The following TIMM44 variants were observed in gnomAD, a reference collection of about 807,000 sequenced individuals.
The protein encoded by TIMM44 is translocase of inner mitochondrial membrane 44.
TIMM44 carries 37 observed loss-of-function variants against 63.8 expected under a neutral mutation model. The observed-to-expected ratio is 0.58, with a 90% confidence interval of 0.45 to 0.76. TIMM44 has a LOEUF of 0.76. TIMM44 is among the 30% of genes least tolerant of loss of function. The pLI is 0.00. For synonymous variants in TIMM44, 239 were observed against 245.1 expected (o/e 0.98, Z 0.23); for missense variants, 573 against 603.8 (o/e 0.95, Z 0.54).
Position 7,931,109 on chromosome 19 carries a change from A to G in TIMM44, c.1038+29T>C, listed in dbSNP as rs557328185. 1.3e-4 allele frequency: 209 copies of G among 1,609,498 alleles called. 3 individuals are homozygous for G. The East Asian group carries it at 4.6e-3, about 35-fold the overall frequency. ...TGGTGATTTTTTAGGCCTTAAAAAA[A>G]AAAAAAGAAAAAGAAAGGAAGTACT... On this transcript the variant is annotated intron_variant, in intron 10 of 12. Transcript: ENST00000270538.
chr19:7,934,410 G>A lies in TIMM44; in HGVS notation c.394-172C>T, dbSNP rs1314648449. ...CACCCCCAGAGCCATGAGCACAACG[G>A]CACCCCCAGAGCCACGAGCACACCG... On this transcript the variant is annotated intron_variant, in intron 4 of 12. Coordinates refer to ENST00000270538, the MANE Select transcript of TIMM44 (RefSeq NM_006351.4). This position sits in a 1 kb window ranked among gnomAD's most constrained non-coding sequence, Gnocchi z 5.3. 2.0e-5 allele frequency among the ~76,000 whole-genome samples: 3 copies of A among 150,476 alleles called. No homozygotes were observed. The highest frequency in any genetic ancestry group is 2.0e-4 in the Admixed American group (3 of 15,150).
chr19:7,941,280 G>C, intron 1 of TIMM44, 83 bp from the exon 2 acceptor site: 1 of 1,084,160 alleles, frequency 9.2e-7, no homozygotes, highest in Non-Finnish European at 1.4e-6. Context: ...AAACAGCAGG[G>C]TCACCTGCAA....
At chr19:7,931,001 G>A (rs1423919344) in intron 10 of TIMM44, 137 bp downstream of exon 10, 2 of 728,056 alleles carry the variant, frequency 2.7e-6, no homozygotes, top group Non-Finnish European at 4.7e-6. Context: ...CGGAGGGTGA[G>A]ACGTGAGGAT....
rs200367577 is a variant in TIMM44 at position 7,934,261 on chromosome 19, G to A, written c.394-23C>T. The A allele has an allele frequency of 1.8e-5, 29 of 1,609,564 alleles. No homozygotes were observed. The African/African-American group carries it at 2.9e-4, about 16-fold the overall frequency. ...GCTCTACTGAGACAGACACAGAGAG[G>A]GGGCGTTGGCACCGGCCCTGGCGGC... is the stretch of plus-strand genomic sequence containing the variant. On this transcript the variant is annotated intron_variant, in intron 4 of 12. Coordinates refer to ENST00000270538, the MANE Select transcript of TIMM44 (RefSeq NM_006351.4). The surrounding 1 kb of genome is among the most constrained non-coding windows in gnomAD (Gnocchi z 5.3).
intron 10 of TIMM44, chr19:7,928,956 C>T (rs1027273915): frequency 4.9e-5 from 7 of 142,870 alleles, no homozygotes; most frequent in African/African-American, 1.6e-4. Flanking sequence ...AAATCCACAT[C>T]GAAACTCATA....
Position 7,931,102 on chromosome 19 carries a change from T to TAA in TIMM44, c.1038+34_1038+35dup, listed in dbSNP as rs58157552. 3.8e-3 allele frequency: 5,217 copies of TAA among 1,387,292 alleles called. 6 individuals carry two copies. Among genetic ancestry groups the TAA allele is most frequent in the African/African-American group, 0.019 (1,246 of 65,750 alleles). 85.9% of individuals were successfully genotyped at this position (1,387,292 alleles called of 1,614,324 possible). A position where few individuals can be genotyped will look rare whatever the true frequency, so the allele number is the denominator to read the frequency against. On this transcript the variant is annotated intron_variant, in intron 10 of 12. Coordinates refer to ENST00000270538, the MANE Select transcript of TIMM44 (RefSeq NM_006351.4). Reference sequence around the variant, plus strand: ...TTCTCCATGGTGATTTTTTAGGCCTTAAAAAAAAAAAAAGAAAAAGAAAGG... The same window carrying TAA: ...TTCTCCATGGTGATTTTTTAGGCCTTAAAAAAAAAAAAAAAGAAAAAGAAAGG...
Position 7,927,115 on chromosome 19 carries a change from T to G in TIMM44, c.*72A>C. 6 of 1,542,182 alleles carry G rather than the reference T, an allele frequency of 3.9e-6. No homozygotes were observed. The highest frequency in any genetic ancestry group is 5.2e-6 in the Non-Finnish European group (6 of 1,149,048). On this transcript the variant is annotated 3_prime_UTR_variant, in exon 13 of 13. Coordinates refer to ENST00000270538, the MANE Select transcript of TIMM44 (RefSeq NM_006351.4). ...AGTCTTGTTCCCAGAGGTCTGGAGT[T>G]GCCGCAGGTGGTGTTGCGGTGCCTC... is the stretch of plus-strand genomic sequence containing the variant.
rs1051604561 is a variant in TIMM44, at chr19:7,935,367, G to A, written c.313-222C>T. 5.2e-5 allele frequency: 27 copies of A among 521,846 alleles called. No individual in the cohort carries two copies. In the East Asian group the frequency reaches 5.2e-4, roughly 10 times the overall value. 32.3% of individuals were successfully genotyped at this position (521,846 alleles called of 1,614,324 possible). On this transcript the variant is annotated intron_variant, in intron 3 of 12. Coordinates refer to ENST00000270538, the MANE Select transcript of TIMM44 (RefSeq NM_006351.4). ...TTCAGTAGAGACAGGGTTTTACCAC[G>A]TTGGCCAGGCTGGTCTCAAACTTCT...
Position 7,933,967 on chromosome 19 carries a change from C to T in TIMM44, c.580G>A (p.Val194Ile), listed in dbSNP as rs147925283. 2.1e-4 allele frequency: 336 copies of T among 1,614,144 alleles called. 2 individuals are homozygous for T. The East Asian group carries it at 6.1e-3, about 29-fold the overall frequency. Residue 194 changes from valine (V) to isoleucine (I), a missense_variant, in exon 6 of 13, where the codon GTC (valine) becomes ATC (isoleucine). Transcript: ENST00000270538. The surrounding 1 kb of genome is among the most constrained non-coding windows in gnomAD (Gnocchi z 4.3). Reference sequence around the variant, plus strand: ...CGGTAGGGCCCGGTCTGTCCCAGGACGCTGTCGTCAATTTCCTTCTTCACG... The same window carrying T: ...CGGTAGGGCCCGGTCTGTCCCAGGATGCTGTCGTCAATTTCCTTCTTCACG... ...ESVKKEIDDS[V>I]LGQTGPYRRP...
Position 7,931,100 on chromosome 19 carries a change from C to CT in TIMM44, c.1038+37dup. ...ACTTCTCCATGGTGATTTTTTAGGC[C>CT]TTAAAAAAAAAAAAAGAAAAAGAAA... On this transcript the variant is annotated intron_variant, in intron 10 of 12. Coordinates refer to ENST00000270538, the MANE Select transcript of TIMM44 (RefSeq NM_006351.4). 1.9e-6 allele frequency: 3 copies of CT among 1,566,940 alleles called. No homozygotes were observed. In the South Asian group the frequency reaches 3.4e-5, roughly 18 times the overall value.
chr19:7,935,005 C>T (rs1406721835), intron 4 of TIMM44, 60 bp downstream of exon 4: 4 of 1,511,166 alleles, frequency 2.6e-6, no homozygotes, highest in African/African-American at 2.8e-5. Flanking sequence ...TTCCTCCAGC[C>T]TCCAGCGGCC....
Position 7,933,809 on chromosome 19 carries a change from C to G in TIMM44, c.683+55G>C, listed in dbSNP as rs1042151022. The G allele has an allele frequency of 3.7e-6, 6 of 1,611,202 alleles. No homozygotes were observed. The African/African-American group carries it at 8.0e-5, about 22-fold the overall frequency. On this transcript the variant is annotated intron_variant, in intron 6 of 12. Transcript: ENST00000270538. The surrounding 1 kb of genome is among the most constrained non-coding windows in gnomAD (Gnocchi z 4.3). ...ACCATTGGTGGGCTCCCGAAATGGACAGCAGTGAAAGCTGCCCAAAATGGG... is the reference window on the plus strand; with the variant it reads ...ACCATTGGTGGGCTCCCGAAATGGAGAGCAGTGAAAGCTGCCCAAAATGGG...
chr19:7,939,112 C>G (rs1300638709), intron 2 of TIMM44, among the ~76,000 whole-genome samples: 21 of 152,004 alleles, frequency 1.4e-4, no homozygotes, highest in Admixed American at 1.4e-3. Flanking sequence ...TGTACACCAC[C>G]AAGAGGGAAC....
chr19:7,933,643 A>AG lies in TIMM44; in HGVS notation c.684-74dup. ...CCTGTGCCCTCCTGCGGCTGCAGGC[A>AG]GGGGGCAGTACAGGACAGCAGGCAG... On this transcript the variant is annotated intron_variant, in intron 6 of 12. Coordinates refer to ENST00000270538, the MANE Select transcript of TIMM44 (RefSeq NM_006351.4). The surrounding 1 kb of genome is among the most constrained non-coding windows in gnomAD (Gnocchi z 4.3). 7.1e-7 allele frequency: 1 copy of AG among 1,416,308 alleles called. No homozygotes were observed. The highest frequency in any genetic ancestry group is 1.0e-6 in the Non-Finnish European group (1 of 1,001,056). The allele number at this position is 1,416,308 out of a possible 1,614,324, so 87.7% of individuals were successfully genotyped here.
At position 7,933,058 on chromosome 19, in the gene TIMM44, G is replaced by A; in HGVS notation, c.770-126C>T. ...CCTGACACGGGTGGGGTCAGGGAGG[G>A]GACGGCTGTGGACCTGCATCCTCAT... On this transcript the variant is annotated intron_variant, in intron 7 of 12. Coordinates refer to ENST00000270538, the MANE Select transcript of TIMM44 (RefSeq NM_006351.4). The surrounding 1 kb of genome is among the most constrained non-coding windows in gnomAD (Gnocchi z 4.3). The A allele has an allele frequency of 1.3e-6, 1 of 764,526 alleles. No individual in the cohort carries two copies. The highest frequency in any genetic ancestry group is 2.3e-6 in the Non-Finnish European group (1 of 442,558). The allele number at this position is 764,526 out of a possible 1,614,324, so 47.4% of individuals were successfully genotyped here.
rs541448324 is a variant in TIMM44, at chr19:7,934,321, G to A, written c.394-83C>T. 1 of 1,561,408 alleles carries A rather than the reference G, an allele frequency of 6.4e-7. No homozygotes were observed. The highest frequency in any genetic ancestry group is 2.2e-5 in the East Asian group (1 of 44,648). ...GGGCAGGAGGAATGAATTCCTGCCGGAGAGAAGGGCGGATCTGGTTCCCCG... is the reference window on the plus strand; with the variant it reads ...GGGCAGGAGGAATGAATTCCTGCCGAAGAGAAGGGCGGATCTGGTTCCCCG... On this transcript the variant is annotated intron_variant, in intron 4 of 12. Coordinates refer to ENST00000270538, the MANE Select transcript of TIMM44 (RefSeq NM_006351.4). This position sits in a 1 kb window ranked among gnomAD's most constrained non-coding sequence, Gnocchi z 5.3.
chr19:7,935,240 A>G (rs1440884253), intron 3 of TIMM44, 95 bp from the exon 4 acceptor site: 5 of 1,108,024 alleles, frequency 4.5e-6, no homozygotes, highest in Non-Finnish European at 6.5e-6. Flanking sequence ...CTCTCGGCTC[A>G]CTGCAACTTC....
chr19:7,932,886 G>A lies in TIMM44; in HGVS notation c.816C>T (p.Phe272=). 6.2e-7 allele frequency: 1 copy of A among 1,614,204 alleles called. No homozygotes were observed. Among genetic ancestry groups the A allele is most frequent in the Non-Finnish European group, 8.5e-7 (1 of 1,180,032 alleles). The part of the protein sequence containing the change: ...KMKYDESDNA[F]IRASRALTDK... ...CCGTAAGGGCCCGGGATGCCCGGATGAACGCGTTGTCGCTTTCGTCATACT... is the reference window on the plus strand; with the variant it reads ...CCGTAAGGGCCCGGGATGCCCGGATAAACGCGTTGTCGCTTTCGTCATACT... Residue 272 remains phenylalanine, a synonymous_variant, in exon 8 of 13, where the codon TTC becomes TTT. Transcript: ENST00000270538.
At position 7,927,118 on chromosome 19, in the gene TIMM44, C is replaced by T. The variant is rs1487405914; in HGVS notation, c.*69G>A. ...CTTGTTCCCAGAGGTCTGGAGTTGC[C>T]GCAGGTGGTGTTGCGGTGCCTCTGT... On this transcript the variant is annotated 3_prime_UTR_variant, in exon 13 of 13. Coordinates refer to ENST00000270538, the MANE Select transcript of TIMM44 (RefSeq NM_006351.4). 1.9e-6 allele frequency: 3 copies of T among 1,545,632 alleles called. No individual in the cohort carries two copies. Among genetic ancestry groups the T allele is most frequent in the East Asian group, 2.4e-5 (1 of 41,440 alleles).
Sources: gnomAD v4.1 joint callset for allele counts (sites outside exome capture counted in the v4.1 genomes callset) on GRCh38, gnomAD v4.1.1 for gene constraint, Gnocchi (gnomAD v3.1) non-coding constraint, MANE v1.5 for transcripts, NCBI Gene and HGNC (gene_info 2026-07-23, HGNC 2026-07-21) for gene names.